CEP350: variants seen among roughly 807,000 people sequenced by gnomAD.
CEP350 encodes the protein centrosome-associated protein 350.
A neutral mutation model predicts 331.8 loss-of-function variants in CEP350; 126 were observed. The observed-to-expected ratio is 0.38, with a 90% CI of 0.33 to 0.44. The LOEUF (loss-of-function observed/expected upper bound fraction) is 0.44, where lower values mean the gene tolerates loss of function less well. CEP350 is among the 20% of genes least tolerant of loss of function. The pLI is 1.00. For synonymous variants in CEP350, 1,200 were observed against 1,259.5 expected (o/e 0.95, Z 1.00); for missense variants, 3,406 against 3,634.6 (o/e 0.94, Z 1.62).
In CEP350 at chr1:179,986,271, T is replaced by C. The variant is rs1571820349; in HGVS notation, c.73+17T>C. 6 of 1,539,872 alleles carry C rather than the reference T, an allele frequency of 3.9e-6. No homozygotes were observed. Among genetic ancestry groups the C allele is most frequent in the Non-Finnish European group, 4.4e-6 (5 of 1,138,020 alleles). ...CTGTTCAAGGTATGATTTTGTTTTT[T>C]TAAACAGAACTTAATACCTCATTTA... On this transcript the variant is annotated intron_variant, in intron 2 of 37. Coordinates refer to ENST00000367607, the MANE Select transcript of CEP350 (RefSeq NM_014810.5).
intron 27 of CEP350, among the ~76,000 whole-genome samples, chr1:180,067,637 T>C (rs1391272655): frequency 1.3e-5 from 2 of 152,092 alleles, no homozygotes; most frequent in African/African-American, 4.8e-5. Flanking sequence ...TGCAGTGAGC[T>C]GAGCTCATGC....
chr1:179,961,850 C>T (rs1399223578), intron 1 of CEP350, among the ~76,000 whole-genome samples: 1 of 152,004 alleles, frequency 6.6e-6, no homozygotes. Context: ...TTACCTGTCA[C>T]TTCCCACCTT....
chr1:180,096,968 A>ATGCTGGTCC (rs201945061), intron 36 of CEP350, among the ~76,000 whole-genome samples: 9,495 of 152,184 alleles, frequency 0.062, 388 homozygotes, highest in African/African-American at 0.12. Flanking sequence ...CTCTCAAGTC[A>ATGCTGGTCC]TGCTGGTCCT....
Position 180,037,058 on chromosome 1 carries a change from A to G in CEP350, c.4079A>G (p.Gln1360Arg). Residue 1360 changes from glutamine (Q) to arginine (R), a missense_variant, in exon 17 of 38, where the codon CAG becomes CGG. Coordinates refer to ENST00000367607, the MANE Select transcript of CEP350 (RefSeq NM_014810.5). Reference protein sequence around the residue: ...ERVRGISLAQQESVSLAQIIK... With the variant: ...ERVRGISLAQRESVSLAQIIK... The stretch of plus-strand genomic sequence containing the variant: ...GTTAGAGGCATTTCACTTGCTCAGC[A>G]GGAGAGTGTGTCTCTAGCTCAGATA... The G allele has an allele frequency of 6.2e-7, 1 of 1,605,394 alleles. No individual in the cohort carries two copies.
In CEP350 at chr1:180,007,839, CGTGTGTGTGTGT is replaced by C. The variant is rs71118426; in HGVS notation, c.1246+1301_1246+1312del. Among the ~76,000 whole-genome samples, 203 of 141,008 alleles carry C rather than the reference CGTGTGTGTGTGT, an allele frequency of 1.4e-3. 1 individual carries two copies. The highest frequency in any genetic ancestry group is 5.0e-3 in the African/African-American group (191 of 38,330). 92.5% of individuals were successfully genotyped at this position (141,008 alleles called of 152,430 possible). A position where few individuals can be genotyped will look rare whatever the true frequency, so the allele number is the denominator to read the frequency against. ...TAAAAAATTAATACATTTTATGTAT[CGTGTGTGTGTGT>C]GTGTGTGTGTGTGTGTGTGTGTGTG... is the stretch of plus-strand genomic sequence containing the variant. On this transcript the variant is annotated intron_variant, in intron 8 of 37. Coordinates refer to ENST00000367607, the MANE Select transcript of CEP350 (RefSeq NM_014810.5).
chr1:180,061,383 G>A (rs1389250706), intron 25 of CEP350, among the ~76,000 whole-genome samples: 2 of 152,058 alleles, frequency 1.3e-5, no homozygotes, highest in African/African-American at 2.4e-5. Flanking sequence ...CTTTTGTAGA[G>A]GTGGGGTTTC....
chr1:180,020,827 G>A lies in CEP350; in HGVS notation c.3053G>A (p.Cys1018Tyr), dbSNP rs1421348477. 7 of 1,613,120 alleles carry A rather than the reference G, an allele frequency of 4.3e-6. No individual in the cohort carries two copies. The South Asian group carries it at 6.6e-5, about 15-fold the overall frequency. Residue 1018 changes from cysteine to tyrosine, a missense_variant, in exon 12 of 38, where the codon TGT becomes TAT. By Grantham distance (194) the Cys-to-Tyr change is radical (BLOSUM62 -2). This residue lies in a region of CEP350 where 1,857 missense variants were observed against 1,909.2 expected (regional missense o/e 0.97). Transcript: ENST00000367607. The stretch of plus-strand genomic sequence containing the variant: ...GAAATTTTAAAAGAAAAGGAATTTT[G>A]TCCTGGAGAAAGAAATAGTTATGAA... ...VAEILKEKEFCPGERNSYEPI... is the reference protein window; with the variant it reads ...VAEILKEKEFYPGERNSYEPI...
At chr1:179,955,262 G>A (rs545197569) in intron 1 of CEP350, 120 bp downstream of exon 1, 74 of 1,002,920 alleles carry the variant, frequency 7.4e-5, no homozygotes, top group Non-Finnish European at 9.0e-5. Flanking sequence ...GGAGAGTCTT[G>A]GCCCTGCTTG....
At position 179,986,822 on chromosome 1, in the gene CEP350, A is replaced by AT. The variant is rs1265612040; in HGVS notation, c.74-414dup. Reference sequence around the variant, plus strand: ...GGTTGTTATCTGAAAGACTGAATGGATTTTACCTATGTTTTTACTGGTAGA... The same window carrying AT: ...GGTTGTTATCTGAAAGACTGAATGGATTTTTACCTATGTTTTTACTGGTAGA... On this transcript the variant is annotated intron_variant, in intron 2 of 37. Transcript: ENST00000367607. 2.6e-5 allele frequency among the ~76,000 whole-genome samples: 4 copies of AT among 152,254 alleles called. No individual in the cohort carries two copies. The South Asian group carries it at 6.2e-4, about 24-fold the overall frequency.
chr1:180,015,580 A>T (rs1654923254), intron 10 of CEP350, among the ~76,000 whole-genome samples: 2 of 152,106 alleles, frequency 1.3e-5, no homozygotes, highest in Admixed American at 6.5e-5. Context: ...TGTGTTGCCC[A>T]CACTGGTCTT....
Position 180,094,387 on chromosome 1 carries a change from T to C in CEP350, c.8282T>C (p.Val2761Ala), listed in dbSNP as rs1228254059. The change falls in exon 34 of 38, where the codon GTC (valine) becomes GCC (alanine). Residue 2761 changes from valine (V) to alanine (A), a missense_variant. Physicochemically the swap from Val to Ala is moderately conservative, Grantham distance 64 (BLOSUM62 0). Around this residue, in one of 5 missense-constraint regions of CEP350, gnomAD observed 1,415 missense variants for 1,512.3 expected, o/e 0.94. Coordinates refer to ENST00000367607, the MANE Select transcript of CEP350 (RefSeq NM_014810.5). ...TTACTGACAGACAGTTTACTAAAAG[T>C]CTTTGTAAAGGACACAGTCAATCAA... is the stretch of plus-strand genomic sequence containing the variant. ...ISLLTDSLLK[V>A]FVKDTVNQLQ... The C allele has an allele frequency of 1.9e-6, 3 of 1,613,544 alleles. No individual in the cohort carries two copies. Among genetic ancestry groups the C allele is most frequent in the Non-Finnish European group, 2.5e-6 (3 of 1,179,814 alleles).
chr1:180,050,832 T>C (rs1193157387), intron 22 of CEP350, among the ~76,000 whole-genome samples: 1 of 152,040 alleles, frequency 6.6e-6, no homozygotes, highest in African/African-American at 2.4e-5. Flanking sequence ...TTAGAGAAAT[T>C]AAAATTAAAA....
chr1:180,089,651 C>T (rs1282752106), intron 32 of CEP350, among the ~76,000 whole-genome samples: 1 of 151,688 alleles, frequency 6.6e-6, no homozygotes, highest in Non-Finnish European at 1.5e-5. Context: ...TAAGATGACT[C>T]CCGGGTTTCT....
chr1:180,045,669 A>G (rs1657073202), intron 21 of CEP350, among the ~76,000 whole-genome samples: 1 of 152,114 alleles, frequency 6.6e-6, no homozygotes, highest in Non-Finnish European at 1.5e-5. Context: ...ACTATGGTGA[A>G]CTCCTAATAC....
chr1:179,957,896 C>CT (rs1421108532), intron 1 of CEP350, among the ~76,000 whole-genome samples: 1 of 152,206 alleles, frequency 6.6e-6, no homozygotes, highest in Non-Finnish European at 1.5e-5. Context: ...CTTGTAATAA[C>CT]TTTAAGTCAC....
At chr1:180,016,505 C>CA (rs371101524) in intron 11 of CEP350, among the ~76,000 whole-genome samples, 1 of 151,372 alleles carries the variant, frequency 6.6e-6, no homozygotes, top group Non-Finnish European at 1.5e-5. Context: ...ATAAAGTAAA[C>CA]AAAAAAACTG....
At chr1:179,971,030 TTG>T (rs1329408053) in intron 1 of CEP350, among the ~76,000 whole-genome samples, 13 of 146,916 alleles carry the variant, frequency 8.8e-5, no homozygotes, top group African/African-American at 3.5e-4. Context: ...TTGTTGTTGT[TTG>T]TTTTTTTTTT....
intron 23 of CEP350, among the ~76,000 whole-genome samples, 175 bp downstream of exon 23, chr1:180,053,341 A>G (rs1227498893): frequency 6.6e-6 from 1 of 152,238 alleles, no homozygotes; most frequent in Non-Finnish European, 1.5e-5. Flanking sequence ...ACAAAGTACA[A>G]TACAAACTTA....
At chr1:179,962,408 GTTTGT>G (rs959172649) in intron 1 of CEP350, among the ~76,000 whole-genome samples, 5 of 151,398 alleles carry the variant, frequency 3.3e-5, no homozygotes, top group Admixed American at 6.6e-5. Context: ...TTGTTTGTTT[GTTTGT>G]TTTGTTTTGT....
Sources: gnomAD v4.1 joint callset for allele counts (sites outside exome capture counted in the v4.1 genomes callset) on GRCh38, gnomAD v4.1.1 for gene constraint, gnomAD v4.1.1 regional missense constraint, MANE v1.5 for transcripts, NCBI Gene and HGNC (gene_info 2026-07-23, HGNC 2026-07-21) for gene names.